Variants in OLFML2A observed in about 807,000 individuals in gnomAD.
The protein encoded by OLFML2A is olfactomedin-like protein 2A.
In OLFML2A, 47 loss-of-function variants were observed where a neutral mutation model predicts 60.9. The observed-to-expected ratio is 0.77, with a 90% CI of 0.61 to 0.98. The LOEUF is 0.98. Among genes scored for constraint, OLFML2A ranks in the 50% least tolerant of loss-of-function variants. OLFML2A has a pLI of 0.00. For missense variants in OLFML2A, 922 were observed against 879.8 expected (o/e 1.05, Z -0.61); for synonymous variants, 372 against 375.0 (o/e 0.99, Z 0.09).
intron 3 of OLFML2A, 51 bp from the exon 4 acceptor site, chr9:124,799,234 G>T: frequency 7.5e-7 from 1 of 1,337,652 alleles, no homozygotes; most frequent in Non-Finnish European, 1.1e-6. Flanking sequence ...CAGGCTAGGG[G>T]TTCAGAGGAA....
At chr9:124,781,470 A>T (rs1199664521) in intron 1 of OLFML2A, among the ~76,000 whole-genome samples, 19 of 152,092 alleles carry the variant, frequency 1.2e-4, no homozygotes, top group Non-Finnish European at 1.5e-5. Context: ...GGGGCTGGCC[A>T]TGAGGAAAAA....
In OLFML2A at chr9:124,810,029, G is replaced by C. The variant is rs371591494; in HGVS notation, c.1576G>C (p.Asp526His). ...RGHSDIDFAVDESGLWVIYPA... is the reference protein window; with the variant it reads ...RGHSDIDFAVHESGLWVIYPA... ...ACACTCGGACATTGACTTTGCCGTGGACGAGAGCGGCCTGTGGGTCATCTA... is the reference window on the plus strand; with the variant it reads ...ACACTCGGACATTGACTTTGCCGTGCACGAGAGCGGCCTGTGGGTCATCTA... Residue 526 changes from aspartate (D) to histidine (H), a missense_variant, in exon 8 of 8, where the codon GAC (aspartate) becomes CAC (histidine). Physicochemically the swap from Asp to His is moderately conservative, Grantham distance 81. Coordinates refer to ENST00000373580, the MANE Select transcript of OLFML2A (RefSeq NM_182487.4). 1.4e-5 allele frequency: 22 copies of C among 1,613,966 alleles called. No homozygotes were observed. The African/African-American group carries it at 2.0e-4, about 15-fold the overall frequency.
At chr9:124,787,331 G>C in intron 2 of OLFML2A, 93 bp downstream of exon 2, 1 of 1,255,692 alleles carries the variant, frequency 8.0e-7, no homozygotes, top group Non-Finnish European at 1.1e-6. Flanking sequence ...TCTGTGAGGC[G>C]AGTGGTGTTA....
At chr9:124,788,288 C>T (rs1841513899) in intron 2 of OLFML2A, among the ~76,000 whole-genome samples, 1 of 140,664 alleles carries the variant, frequency 7.1e-6, no homozygotes. Flanking sequence ...AACGACAGAG[C>T]GAGACTCGGT....
chr9:124,784,193 C>CTT (rs370746858), intron 1 of OLFML2A, among the ~76,000 whole-genome samples: 1 of 144,712 alleles, frequency 6.9e-6, no homozygotes, highest in African/African-American at 2.5e-5. Flanking sequence ...TAGTTTTTTT[C>CTT]TTTTTTTTTT....
chr9:124,784,940 C>CTTTTTTTTTTTT (rs1461676348), intron 1 of OLFML2A, among the ~76,000 whole-genome samples: 2 of 50,052 alleles, frequency 4.0e-5, no homozygotes, highest in African/African-American at 2.0e-4. Context: ...ATTCCTTTTA[C>CTTTTTTTTTTTT]TTGTTTTTTT....
At chr9:124,795,892 G>A (rs551649013) in intron 3 of OLFML2A, among the ~76,000 whole-genome samples, 2 of 152,260 alleles carry the variant, frequency 1.3e-5, no homozygotes, top group Non-Finnish European at 2.9e-5. Context: ...TCCTGCCCTG[G>A]TCAGGGTGAA....
chr9:124,785,657 C>A (rs1192361855), intron 1 of OLFML2A, among the ~76,000 whole-genome samples: 2 of 151,988 alleles, frequency 1.3e-5, no homozygotes, highest in Non-Finnish European at 2.9e-5. Flanking sequence ...GCCTCGGCCT[C>A]CCAAAGTGCT....
At chr9:124,784,940 C>CTTGTTTT (rs1841429214) in intron 1 of OLFML2A, among the ~76,000 whole-genome samples, 2 of 50,052 alleles carry the variant, frequency 4.0e-5, no homozygotes, top group East Asian at 6.8e-4. Flanking sequence ...ATTCCTTTTA[C>CTTGTTTT]TTGTTTTTTT....
At chr9:124,786,738 G>T (rs1341688652) in intron 1 of OLFML2A, among the ~76,000 whole-genome samples, 1 of 114,108 alleles carries the variant, frequency 8.8e-6, no homozygotes, top group African/African-American at 3.4e-5. Context: ...AAAAATACAC[G>T]CAGAGACGTA....
At chr9:124,778,623 TAAA>T (rs35250314) in intron 1 of OLFML2A, among the ~76,000 whole-genome samples, 72,099 of 147,070 alleles carry the variant, frequency 0.49, 17,486 homozygotes, top group Admixed American at 0.6. Flanking sequence ...CCCGTCTCTA[TAAA>T]AAAAAAAAAA....
chr9:124,807,698 C>T lies in OLFML2A; in HGVS notation c.1169-83C>T, dbSNP rs112578913. ...AATTTCAGGAGAGATTTAAGTTAGA[C>T]CCAGATAACATTCCCAGCCCGTTGC... On this transcript the variant is annotated intron_variant, in intron 6 of 7. Coordinates refer to ENST00000373580, the MANE Select transcript of OLFML2A (RefSeq NM_182487.4). 4.8e-3 allele frequency: 5,267 copies of T among 1,105,720 alleles called. 169 individuals carry two copies. The Admixed American group carries it at 0.08, about 17-fold the overall frequency. The allele number at this position is 1,105,720 out of a possible 1,614,324, so 68.5% of individuals were successfully genotyped here.
At position 124,801,409 on chromosome 9, in the gene OLFML2A, C is replaced by T. The variant is rs1341029302; in HGVS notation, c.670-5C>T. ...TTCAAGTCTGAGACTTCTCTTCCCTCCCAGGACACAGCTAGAGGAAAAGGC... is the reference window on the plus strand; with the variant it reads ...TTCAAGTCTGAGACTTCTCTTCCCTTCCAGGACACAGCTAGAGGAAAAGGC... On this transcript the variant is annotated splice_polypyrimidine_tract_variant and splice_region_variant and intron_variant, in intron 4 of 7. Transcript: ENST00000373580. 6.2e-7 allele frequency: 1 copy of T among 1,613,834 alleles called. No individual in the cohort carries two copies. The highest frequency in any genetic ancestry group is 2.2e-5 in the East Asian group (1 of 44,888).
chr9:124,784,218 GAGAC>G (rs1186303596), intron 1 of OLFML2A, among the ~76,000 whole-genome samples: 8 of 148,082 alleles, frequency 5.4e-5, no homozygotes, highest in African/African-American at 2.5e-5. Context: ...TTTTTTGTCT[GAGAC>G]AGACAGAGTC....
Position 124,779,145 on chromosome 9 carries a change from G to C in OLFML2A, c.90+1785G>C, listed in dbSNP as rs1841314011. ...GTGGGGAAACTAGGGTGTTTACAGAGGCAGCTGGCTTGTACATTTAAAACC... is the reference window on the plus strand; with the variant it reads ...GTGGGGAAACTAGGGTGTTTACAGACGCAGCTGGCTTGTACATTTAAAACC... On this transcript the variant is annotated intron_variant, in intron 1 of 7. Coordinates refer to ENST00000373580, the MANE Select transcript of OLFML2A (RefSeq NM_182487.4). The surrounding 1 kb of genome is among the most constrained non-coding windows in gnomAD (Gnocchi z 4.1). Among the ~76,000 whole-genome samples, 1 of 152,190 alleles carries C rather than the reference G, an allele frequency of 6.6e-6. No homozygotes were observed. The highest frequency in any genetic ancestry group is 2.1e-4 in the South Asian group (1 of 4,832).
chr9:124,787,929 G>A (rs1244807769), intron 2 of OLFML2A, among the ~76,000 whole-genome samples: 4 of 152,022 alleles, frequency 2.6e-5, no homozygotes, highest in African/African-American at 9.7e-5. Flanking sequence ...GAAAACCAAG[G>A]TTGAGAGAAC....
chr9:124,795,408 G>GT (rs1841650374), intron 3 of OLFML2A, among the ~76,000 whole-genome samples: 1 of 152,216 alleles, frequency 6.6e-6, no homozygotes, highest in Non-Finnish European at 1.5e-5. Context: ...GGAACTTGCA[G>GT]TTGCCCCCAG....
Position 124,779,550 on chromosome 9 carries a change from G to C in OLFML2A, c.90+2190G>C, listed in dbSNP as rs548394386. 1.4e-3 allele frequency among the ~76,000 whole-genome samples: 207 copies of C among 151,562 alleles called. 1 individual carries two copies. Among genetic ancestry groups the C allele is most frequent in the Non-Finnish European group, 2.1e-3 (142 of 67,834 alleles). ...GCTAGGTTGTGTGTGTGTGTGGTGG[G>C]GGGGGGGTGTTTAGCTGTCCCAGGA... is the stretch of plus-strand genomic sequence containing the variant. On this transcript the variant is annotated intron_variant, in intron 1 of 7. Coordinates refer to ENST00000373580, the MANE Select transcript of OLFML2A (RefSeq NM_182487.4). The surrounding 1 kb of genome is among the most constrained non-coding windows in gnomAD (Gnocchi z 4.1).
chr9:124,807,070 T>TG (rs1841908047), intron 6 of OLFML2A, among the ~76,000 whole-genome samples: 1 of 151,472 alleles, frequency 6.6e-6, no homozygotes, highest in Non-Finnish European at 1.5e-5. Context: ...CACACCACTA[T>TG]GCTCAGCTAA....
Sources: gnomAD v4.1 joint callset for allele counts (sites outside exome capture counted in the v4.1 genomes callset) on GRCh38, gnomAD v4.1.1 for gene constraint, Gnocchi (gnomAD v3.1) non-coding constraint, MANE v1.5 for transcripts, NCBI Gene and HGNC (gene_info 2026-07-23, HGNC 2026-07-21) for gene names.